The following USP10 variants were observed in gnomAD, a reference collection of about 807,000 sequenced individuals.
USP10 encodes ubiquitin carboxyl-terminal hydrolase 10.
A neutral mutation model predicts 84.5 loss-of-function variants in USP10; 22 were observed. The observed-to-expected ratio is 0.26, with a 90% CI of 0.19 to 0.37. USP10 has a LOEUF of 0.37. USP10 is among the 10% of genes least tolerant of loss of function. USP10 has a pLI of 1.00. For missense variants in USP10, 1,019 were observed against 998.9 expected, an observed-to-expected ratio of 1.02 and a Z score of -0.27; for synonymous variants, 454 against 387.6, an observed-to-expected ratio of 1.17 and a Z score of -2.01.
At chr16:84,740,480 T>G (rs1442160417) in intron 3 of USP10, 111 bp downstream of exon 3, 1 of 901,314 alleles carries the variant, frequency 1.1e-6, no homozygotes, top group Non-Finnish European at 1.7e-6. Flanking sequence ...CTTTGTAGCT[T>G]GAAGTTTTTG....
chr16:84,760,000 A>G, intron 7 of USP10, 54 bp downstream of exon 7: 2 of 1,597,930 alleles, frequency 1.3e-6, no homozygotes, highest in Non-Finnish European at 1.7e-6. Context: ...TTATGGAGAC[A>G]GATGACTTAA....
chr16:84,723,592 C>A (rs905348459), intron 1 of USP10, among the ~76,000 whole-genome samples: 25 of 152,146 alleles, frequency 1.6e-4, no homozygotes, highest in African/African-American at 5.8e-4. Context: ...TGGGTTTTTT[C>A]ATCTTCCTCT....
chr16:84,703,060 A>T (rs1905096516), intron 1 of USP10, among the ~76,000 whole-genome samples: 1 of 151,786 alleles, frequency 6.6e-6, no homozygotes, highest in Admixed American at 6.6e-5. Flanking sequence ...ATAGGTTAAT[A>T]ACCTTATTTC....
intron 4 of USP10, among the ~76,000 whole-genome samples, chr16:84,757,396 G>GTGTGT (rs11373011): frequency 0.013 from 1,667 of 127,204 alleles, 17 homozygotes; most frequent in Admixed American, 0.014. Context: ...GAATGAGAGG[G>GTGTGT]GTGGGGGTGT....
intron 2 of USP10, among the ~76,000 whole-genome samples, chr16:84,737,326 T>C (rs1028546302): frequency 5.9e-5 from 9 of 152,234 alleles, no homozygotes; most frequent in African/African-American, 2.2e-4. Flanking sequence ...GTCTAGGGAA[T>C]TTTATGTCTT....
rs1913374375 is a variant in USP10, at chr16:84,762,907, T to C, written c.1555-82T>C. The C allele has an allele frequency of 5.3e-6, 4 of 752,330 alleles. No homozygotes were observed. The African/African-American group carries it at 6.9e-5, about 13-fold the overall frequency. 46.6% of individuals were successfully genotyped at this position (752,330 alleles called of 1,614,324 possible). A position where few individuals can be genotyped will look rare whatever the true frequency, so the allele number is the denominator to read the frequency against. ...TCTTCCATTTCAGAGGAGGCATGGTTGGACTTTGCAAGTACTGCATGTCCT... is the reference window on the plus strand; with the variant it reads ...TCTTCCATTTCAGAGGAGGCATGGTCGGACTTTGCAAGTACTGCATGTCCT... On this transcript the variant is annotated intron_variant, in intron 8 of 13. Coordinates refer to ENST00000219473, the MANE Select transcript of USP10 (RefSeq NM_005153.3).
intron 1 of USP10, among the ~76,000 whole-genome samples, chr16:84,703,318 C>T (rs1015922376): frequency 2.6e-5 from 4 of 152,142 alleles, no homozygotes; most frequent in African/African-American, 9.7e-5. Flanking sequence ...TTATTGATGT[C>T]ATTTATAGTG....
intron 4 of USP10, among the ~76,000 whole-genome samples, chr16:84,756,382 C>T (rs1000166414): frequency 3.9e-5 from 6 of 152,202 alleles, no homozygotes; most frequent in African/African-American, 1.4e-4. Flanking sequence ...CACTTGAACT[C>T]AGGAGTTCAA....
rs1263673494 is a variant in USP10 at position 84,775,211 on chromosome 16, A to G, written c.2195A>G (p.Tyr732Cys). ...AAGAATTTTAAATGCCACCGAACCT[A>G]TCGGCTCTTTGCAGGTGAGTAAATT... The part of the protein sequence containing the change: ...KNKNFKCHRT[Y>C]RLFAVVYHHG... Residue 732 changes from tyrosine (Y) to cysteine (C), a missense_variant, in exon 13 of 14, where the codon TAT (tyrosine) becomes TGT (cysteine). Tyr to Cys is a radical substitution (Grantham distance 194, BLOSUM62 -2). Around this residue, in one of 2 missense-constraint regions of USP10, gnomAD observed 232 missense variants for 290.1 expected, o/e 0.80. Transcript: ENST00000219473. 3.1e-6 allele frequency: 5 copies of G among 1,613,626 alleles called. No individual in the cohort carries two copies. Among genetic ancestry groups the G allele is most frequent in the Non-Finnish European group, 3.4e-6 (4 of 1,179,674 alleles).
chr16:84,700,573 C>T (rs926995697), intron 1 of USP10, among the ~76,000 whole-genome samples: 2 of 152,132 alleles, frequency 1.3e-5, no homozygotes, highest in African/African-American at 4.8e-5. Flanking sequence ...CCCTGTTGCC[C>T]CTTTGCCCCA....
At chr16:84,708,065 G>A (rs751842031) in intron 1 of USP10, among the ~76,000 whole-genome samples, 8 of 152,040 alleles carry the variant, frequency 5.3e-5, no homozygotes, top group Admixed American at 2.0e-4. Flanking sequence ...GTGACAGAGC[G>A]AGACTCTTAC....
intron 8 of USP10, among the ~76,000 whole-genome samples, chr16:84,760,575 G>A (rs1024211355): frequency 2.0e-5 from 3 of 152,226 alleles, no homozygotes; most frequent in Admixed American, 1.3e-4. Context: ...CAGCTTTCAA[G>A]TCAGTTCTCT....
At chr16:84,722,138 T>G (rs1283053818) in intron 1 of USP10, among the ~76,000 whole-genome samples, 1 of 152,264 alleles carries the variant, frequency 6.6e-6, no homozygotes, top group Non-Finnish European at 1.5e-5. Flanking sequence ...GTGGTCTGCT[T>G]CTGTCACTAT....
intron 11 of USP10, among the ~76,000 whole-genome samples, chr16:84,772,034 C>T (rs958446399): frequency 6.6e-6 from 1 of 152,054 alleles, no homozygotes; most frequent in African/African-American, 2.4e-5. Flanking sequence ...CTTATGGGAA[C>T]GTATGCATTT....
Position 84,745,254 on chromosome 16 carries a change from A to C in USP10, c.773A>C (p.Glu258Ala). ...ADFGQSCFPA[E>A]AGRDTLSRTA... Reference sequence around the variant, plus strand: ...TTTGGTCAGTCCTGCTTCCCTGCAGAGGCTGGCAGAGACACCCTGTCAAGG... The same window carrying C: ...TTTGGTCAGTCCTGCTTCCCTGCAGCGGCTGGCAGAGACACCCTGTCAAGG... The change falls in exon 4 of 14, where the codon GAG becomes GCG. Residue 258 changes from glutamate (E) to alanine (A), a missense_variant. Physicochemically the swap from Glu to Ala is moderately radical, Grantham distance 107 (BLOSUM62 -1). This residue lies in a region of USP10 where 787 missense variants were observed against 708.8 expected (regional missense o/e 1.11). Transcript: ENST00000219473. 6.2e-7 allele frequency: 1 copy of C among 1,613,460 alleles called. No individual in the cohort carries two copies. The highest frequency in any genetic ancestry group is 8.5e-7 in the Non-Finnish European group (1 of 1,179,668).
intron 8 of USP10, among the ~76,000 whole-genome samples, chr16:84,760,567 G>C (rs1420398068): frequency 6.6e-6 from 1 of 152,216 alleles, no homozygotes; most frequent in African/African-American, 2.4e-5. Flanking sequence ...GCAGAACCCA[G>C]CTTTCAAGTC....
At chr16:84,742,561 T>C (rs1437070282) in intron 3 of USP10, among the ~76,000 whole-genome samples, 1 of 152,180 alleles carries the variant, frequency 6.6e-6, no homozygotes, top group Non-Finnish European at 1.5e-5. Flanking sequence ...GTGTTAGGAT[T>C]CGTGGTTTTA....
At chr16:84,776,679 A>AG (rs1915054759) in intron 13 of USP10, among the ~76,000 whole-genome samples, 1 of 152,076 alleles carries the variant, frequency 6.6e-6, no homozygotes, top group African/African-American at 2.4e-5. Flanking sequence ...GGGCAGGGGC[A>AG]GGGGCTAGGG....
Position 84,745,487 on chromosome 16 carries a change from G to C in USP10, c.1006G>C (p.Val336Leu), listed in dbSNP as rs1336497699. 1.2e-6 allele frequency: 2 copies of C among 1,613,560 alleles called. No homozygotes were observed. The change falls in exon 4 of 14, where the codon GTC (valine) becomes CTC (leucine). Residue 336 changes from valine to leucine, a missense_variant. Val to Leu is a conservative substitution (Grantham distance 32). Transcript: ENST00000219473. Reference sequence around the variant, plus strand: ...GGGCTCTGCATCAGGCACCCTTCCTGTCAGCCAGCCCAAGTCCTGGGCCAG... The same window carrying C: ...GGGCTCTGCATCAGGCACCCTTCCTCTCAGCCAGCCCAAGTCCTGGGCCAG... ...GTGSASGTLPVSQPKSWASLF... is the reference protein window; with the variant it reads ...GTGSASGTLPLSQPKSWASLF...
Sources: allele counts gnomAD v4.1 joint callset (sites outside exome capture counted in the v4.1 genomes callset), GRCh38; gene constraint gnomAD v4.1.1; regional missense constraint gnomAD v4.1.1; transcripts MANE v1.5; gene names NCBI Gene and HGNC (gene_info 2026-07-23, HGNC 2026-07-21).